Variants in GOLM2 observed in about 807,000 individuals in gnomAD.
The protein encoded by GOLM2 is golgi membrane protein 2, also known as protein GOLM2.
In GOLM2, 26 loss-of-function variants were observed where a neutral mutation model predicts 55.9. The ratio of observed to expected loss-of-function variants is 0.47; its 90% CI spans 0.34 to 0.65. The LOEUF (loss-of-function observed/expected upper bound fraction) is 0.65, where lower values mean the gene tolerates loss of function less well. Ranked by LOEUF, GOLM2 falls within the 30% of genes least tolerant of loss-of-function variation. The probability of loss-of-function intolerance (pLI) is 0.01; values close to 1 mark genes in which losing one functional copy is unlikely to be tolerated. For synonymous variants in GOLM2, 165 were observed against 194.6 expected (o/e 0.85, Z 1.27); for missense variants, 486 against 531.8 (o/e 0.91, Z 0.85).
intron 6 of GOLM2, among the ~76,000 whole-genome samples, chr15:44,352,025 A>G (rs958010765): frequency 1.3e-5 from 2 of 152,200 alleles, no homozygotes; most frequent in African/African-American, 2.4e-5. Context: ...ATTCAATGCA[A>G]TCCCTATCAA....
chr15:44,316,295 A>G (rs1472273030), intron 1 of GOLM2, among the ~76,000 whole-genome samples: 1 of 151,894 alleles, frequency 6.6e-6, no homozygotes, highest in African/African-American at 2.4e-5. Flanking sequence ...ACTGAGTTCG[A>G]GTTCAGCCTG....
intron 1 of GOLM2, among the ~76,000 whole-genome samples, chr15:44,321,929 C>T (rs540274901): frequency 6.6e-6 from 1 of 152,064 alleles, no homozygotes; most frequent in African/African-American, 2.4e-5. Flanking sequence ...TATTATGATA[C>T]ATACCTGTAG....
At chr15:44,365,013 T>G (rs915124475) in intron 6 of GOLM2, among the ~76,000 whole-genome samples, 9 of 152,342 alleles carry the variant, frequency 5.9e-5, no homozygotes, top group African/African-American at 2.2e-4. Context: ...TTTGACCGTA[T>G]GATCCTGAAA....
At chr15:44,379,219 A>C (rs117919743) in intron 6 of GOLM2, among the ~76,000 whole-genome samples, 4,316 of 152,218 alleles carry the variant, frequency 0.028, 103 homozygotes, top group Non-Finnish European at 0.041. Flanking sequence ...GCTCACACCT[A>C]TAATCCCAGC....
At chr15:44,308,486 C>T (rs1336061404) in intron 1 of GOLM2, 1 of 152,098 alleles carries the variant, frequency 6.6e-6, no homozygotes, top group Non-Finnish European at 1.5e-5. Context: ...TGAGTTCTTC[C>T]CCTCTTTCAG....
chr15:44,347,607 A>C (rs910319009), intron 6 of GOLM2, among the ~76,000 whole-genome samples: 1 of 152,158 alleles, frequency 6.6e-6, no homozygotes, highest in African/African-American at 2.4e-5. Flanking sequence ...GTCTTAAATG[A>C]ACTAGAAAAG....
At chr15:44,304,506 T>C (rs1486525162) in intron 1 of GOLM2, among the ~76,000 whole-genome samples, 2 of 152,124 alleles carry the variant, frequency 1.3e-5, no homozygotes, top group East Asian at 3.9e-4. Flanking sequence ...CCTCCCAAAG[T>C]GCTGGGACTA....
At position 44,380,931 on chromosome 15, in the gene GOLM2, C is replaced by T. The variant is rs1362031628; in HGVS notation, c.1027C>T (p.Gln343Ter). 2 of 1,598,042 alleles carry T rather than the reference C, an allele frequency of 1.3e-6. No individual in the cohort carries two copies. Among genetic ancestry groups the T allele is most frequent in the Non-Finnish European group, 1.7e-6 (2 of 1,171,970 alleles). The change falls in exon 8 of 10, where the codon CAG (glutamine) becomes TAG (stop). Residue 343 changes from glutamine to a stop codon, truncating the protein, a stop_gained. Coordinates refer to ENST00000299957, the MANE Select transcript of GOLM2 (RefSeq NM_138423.4). LOFTEE classifies it high-confidence loss of function. ...EPRIQTDILK[Q>*]ATKDRVSDFH... Reference sequence around the variant, plus strand: ...CAGAATTCAAACAGATATACTAAAGCAGGCTACCAAGGACAGAGTCAGTGA... The same window carrying T: ...CAGAATTCAAACAGATATACTAAAGTAGGCTACCAAGGACAGAGTCAGTGA...
chr15:44,302,813 A>G (rs2078808072), intron 1 of GOLM2, among the ~76,000 whole-genome samples: 1 of 152,148 alleles, frequency 6.6e-6, no homozygotes, highest in Admixed American at 6.6e-5. Flanking sequence ...GACTATAAAA[A>G]TATAGTCTAG....
At chr15:44,399,871 T>A (rs1383194373) in intron 8 of GOLM2, among the ~76,000 whole-genome samples, 2 of 151,820 alleles carry the variant, frequency 1.3e-5, no homozygotes, top group East Asian at 3.9e-4. Flanking sequence ...GGTAGGCGCC[T>A]GTAATCCCAG....
chr15:44,357,432 T>C (rs971651245), intron 6 of GOLM2, among the ~76,000 whole-genome samples: 3 of 152,108 alleles, frequency 2.0e-5, no homozygotes, highest in African/African-American at 7.2e-5. Context: ...TACAAAAAAA[T>C]CTACAAGTAA....
At chr15:44,343,550 G>C (rs963870934) in intron 6 of GOLM2, among the ~76,000 whole-genome samples, 1 of 152,040 alleles carries the variant, frequency 6.6e-6, no homozygotes, top group Non-Finnish European at 1.5e-5. Flanking sequence ...TCCTGGCTGG[G>C]CATAGTGGCT....
chr15:44,390,758 G>A (rs1419619705), intron 8 of GOLM2, among the ~76,000 whole-genome samples: 6 of 151,946 alleles, frequency 3.9e-5, no homozygotes, highest in African/African-American at 4.8e-5. Flanking sequence ...TAGTAGAGAC[G>A]GGGTTTCTCC....
intron 1 of GOLM2, among the ~76,000 whole-genome samples, chr15:44,295,738 G>A (rs1375690349): frequency 6.6e-6 from 1 of 152,108 alleles, no homozygotes; most frequent in African/African-American, 2.4e-5. Context: ...CATCCTTGGT[G>A]TCTTTTCCTC....
intron 8 of GOLM2, among the ~76,000 whole-genome samples, chr15:44,385,134 T>G (rs2079433954): frequency 6.6e-6 from 1 of 152,230 alleles, no homozygotes; most frequent in Non-Finnish European, 1.5e-5. Context: ...AGTGCTTCTA[T>G]GAACATTTAT....
chr15:44,388,972 C>T (rs758238064), intron 8 of GOLM2, among the ~76,000 whole-genome samples: 7 of 151,954 alleles, frequency 4.6e-5, no homozygotes, highest in South Asian at 4.2e-4. Flanking sequence ...CCTGCCACCA[C>T]GCCCGGCTAA....
chr15:44,354,450 A>G (rs1023652735), intron 6 of GOLM2, among the ~76,000 whole-genome samples: 1 of 151,968 alleles, frequency 6.6e-6, no homozygotes, highest in African/African-American at 2.4e-5. Flanking sequence ...AAAGTATAAT[A>G]ATAATAAAAT....
At chr15:44,400,883 C>A (rs1595668213) in intron 8 of GOLM2, among the ~76,000 whole-genome samples, 1 of 152,014 alleles carries the variant, frequency 6.6e-6, no homozygotes, top group African/African-American at 2.4e-5. Context: ...CCACACCCGC[C>A]CTTCTTTAAA....
intron 8 of GOLM2, among the ~76,000 whole-genome samples, chr15:44,391,882 C>T (rs891226982): frequency 6.6e-6 from 1 of 151,812 alleles, no homozygotes; most frequent in Non-Finnish European, 1.5e-5. Flanking sequence ...TGGAGTTTTG[C>T]TCTTGTTGCC....
Sources: allele counts gnomAD v4.1 joint callset (sites outside exome capture counted in the v4.1 genomes callset), GRCh38; gene constraint gnomAD v4.1.1; transcripts MANE v1.5; gene names NCBI Gene and HGNC (gene_info 2026-07-23, HGNC 2026-07-21).